PRSS12: variants seen among roughly 807,000 people sequenced by gnomAD.
PRSS12 encodes the protein serine protease 12.
Under a neutral mutation model 104.4 loss-of-function variants are expected in PRSS12, and 85 were observed. The observed-to-expected ratio is 0.81, with a 90% confidence interval of 0.68 to 0.98. The LOEUF (loss-of-function observed/expected upper bound fraction) is 0.98, where lower values mean the gene tolerates loss of function less well. Among genes scored for constraint, PRSS12 ranks in the 50% least tolerant of loss-of-function variants. The probability of loss-of-function intolerance (pLI) is 0.00; values close to 1 mark genes in which losing one functional copy is unlikely to be tolerated. For missense variants in PRSS12, 1,141 were observed against 1,139.2 expected, an observed-to-expected ratio of 1.00 and a Z score of -0.02; for synonymous variants, 454 against 425.2, an observed-to-expected ratio of 1.07 and a Z score of -0.83.
chr4:118,341,962 G>T lies in PRSS12; in HGVS notation c.503-3648C>A, dbSNP rs533498189. 6.6e-5 allele frequency among the ~76,000 whole-genome samples: 10 copies of T among 152,226 alleles called. No homozygotes were observed. The East Asian group carries it at 1.4e-3, about 21-fold the overall frequency. ...TACTGCAACTAATCCACCAAATCTT[G>T]TATGGAAATAAGCCAACTAGGAAGA... On this transcript the variant is annotated intron_variant, in intron 1 of 12. Coordinates refer to ENST00000296498, the MANE Select transcript of PRSS12 (RefSeq NM_003619.4).
chr4:118,331,121 G>T (rs1723906383), intron 4 of PRSS12, among the ~76,000 whole-genome samples: 2 of 152,056 alleles, frequency 1.3e-5, no homozygotes, highest in African/African-American at 4.8e-5. Context: ...TTATACCAAT[G>T]TTCAGAATCA....
intron 12 of PRSS12, among the ~76,000 whole-genome samples, 194 bp from the exon 13 acceptor site, chr4:118,282,437 A>C (rs1453349284): frequency 6.6e-6 from 1 of 152,194 alleles, no homozygotes; most frequent in African/African-American, 2.4e-5. Flanking sequence ...AACCTTCACA[A>C]ATTTCTCAGT....
chr4:118,322,930 A>T (rs1456188346), intron 4 of PRSS12, among the ~76,000 whole-genome samples: 1 of 151,990 alleles, frequency 6.6e-6, no homozygotes, highest in Non-Finnish European at 1.5e-5. Context: ...AAAAAATCAA[A>T]ATAAGAATAT....
intron 7 of PRSS12, among the ~76,000 whole-genome samples, 154 bp from the exon 8 acceptor site, chr4:118,308,731 T>A (rs1743624595): frequency 6.6e-6 from 1 of 152,164 alleles, no homozygotes; most frequent in African/African-American, 2.4e-5. Context: ...TCAATAAAAA[T>A]TTTATCCACT....
At chr4:118,313,163 T>C (rs772834148) in intron 7 of PRSS12, 38 bp downstream of exon 7, 2 of 1,607,986 alleles carry the variant, frequency 1.2e-6, no homozygotes, top group Non-Finnish European at 1.7e-6. Flanking sequence ...CAATGGCTAC[T>C]GAATGATGGA....
At chr4:118,308,042 T>A (rs148900067) in intron 8 of PRSS12, among the ~76,000 whole-genome samples, 2 of 152,338 alleles carry the variant, frequency 1.3e-5, no homozygotes, top group East Asian at 3.9e-4. Context: ...CACAGTGACT[T>A]TATAACTATC....
intron 8 of PRSS12, 110 bp from the exon 9 acceptor site, chr4:118,299,048 ATCTG>A: frequency 1.6e-6 from 2 of 1,223,428 alleles, no homozygotes; most frequent in Non-Finnish European, 2.3e-6. Context: ...TAAAATTAGC[ATCTG>A]CATGTGCTAA....
chr4:118,343,365 A>T (rs1477319044), intron 1 of PRSS12, among the ~76,000 whole-genome samples: 1 of 152,164 alleles, frequency 6.6e-6, no homozygotes, highest in Non-Finnish European at 1.5e-5. Flanking sequence ...ACTGCATTCC[A>T]GTCTAGGTGA....
intron 8 of PRSS12, among the ~76,000 whole-genome samples, chr4:118,300,962 T>C (rs1317257622): frequency 6.6e-6 from 1 of 152,124 alleles, no homozygotes; most frequent in East Asian, 1.9e-4. Context: ...ATTATATATA[T>C]ATCCTTATAC....
rs746123649 is a variant in PRSS12, at chr4:118,335,498, A to G, written c.795T>C (p.Ala265=). 1 of 1,614,094 alleles carries G rather than the reference A, an allele frequency of 6.2e-7. No individual in the cohort carries two copies. Among genetic ancestry groups the G allele is most frequent in the East Asian group, 2.2e-5 (1 of 44,878 alleles). ...CATGGGAAAAGCTACACGTGACAGC[A>G]GCTGCCATCTTCTGAGGACACACCC... ...QGGVCPQKMA[A]AVTCSFSHGP... Residue 265 remains alanine, a synonymous_variant, in exon 3 of 13, where the codon GCT becomes GCC. Coordinates refer to ENST00000296498, the MANE Select transcript of PRSS12 (RefSeq NM_003619.4).
intron 9 of PRSS12, among the ~76,000 whole-genome samples, chr4:118,298,231 G>T (rs1253701776): frequency 2.6e-5 from 4 of 151,794 alleles, no homozygotes; most frequent in Non-Finnish European, 4.4e-5. Flanking sequence ...CATACGAAAG[G>T]ATTACTTATC....
At chr4:118,318,621 T>G in intron 4 of PRSS12, 65 bp from the exon 5 acceptor site, 1 of 1,518,524 alleles carries the variant, frequency 6.6e-7, no homozygotes, top group Non-Finnish European at 9.0e-7. Flanking sequence ...TTATTTTTTT[T>G]TTGTCCCTAG....
chr4:118,304,062 T>C (rs1743469711), intron 8 of PRSS12, among the ~76,000 whole-genome samples: 1 of 151,950 alleles, frequency 6.6e-6, no homozygotes. Flanking sequence ...ATCAGTTGTA[T>C]ACTAGAAATT....
chr4:118,348,912 A>C (rs1258829575), intron 1 of PRSS12, among the ~76,000 whole-genome samples: 2 of 152,150 alleles, frequency 1.3e-5, no homozygotes, highest in Non-Finnish European at 2.9e-5. Flanking sequence ...TCAGCCTCCC[A>C]AAGTGCTAGG....
chr4:118,303,551 T>C (rs1560770013), intron 8 of PRSS12: 1 of 152,048 alleles, frequency 6.6e-6, no homozygotes, highest in Non-Finnish European at 1.5e-5. Context: ...CTGCCATCCA[T>C]AGAAAAAAGG....
At chr4:118,316,839 T>TATATATATAC (rs1723446495) in intron 5 of PRSS12, among the ~76,000 whole-genome samples, 3 of 55,008 alleles carry the variant, frequency 5.5e-5, no homozygotes, top group African/African-American at 1.6e-4. Flanking sequence ...AAAAAAAAAA[T>TATATATATAC]ATATATATAT....
intron 8 of PRSS12, 21 bp from the exon 9 acceptor site, chr4:118,298,959 A>G (rs1281987385): frequency 6.2e-7 from 1 of 1,612,298 alleles, no homozygotes; most frequent in Non-Finnish European, 8.5e-7. Flanking sequence ...AACATTCTTA[A>G]TCATGTGAAG....
chr4:118,286,665 A>C (rs1743021801), intron 11 of PRSS12, among the ~76,000 whole-genome samples: 1 of 152,230 alleles, frequency 6.6e-6, no homozygotes, highest in South Asian at 2.1e-4. Context: ...ATTTTGAAAG[A>C]CATTCATGTC....
intron 8 of PRSS12, chr4:118,303,692 T>C (rs1743459435): frequency 6.6e-6 from 1 of 152,178 alleles, no homozygotes; most frequent in African/African-American, 2.4e-5. Context: ...TTCCAAGGGA[T>C]ACACAGGCTG....
Sources: gnomAD v4.1 joint callset for allele counts (sites outside exome capture counted in the v4.1 genomes callset) on GRCh38, gnomAD v4.1.1 for gene constraint, MANE v1.5 for transcripts, NCBI Gene and HGNC (gene_info 2026-07-23, HGNC 2026-07-21) for gene names.